The following FGFR3 variants were observed in gnomAD, a reference collection of about 807,000 sequenced individuals.
The protein encoded by FGFR3 is FGFR-3.
FGFR3 carries 25 observed loss-of-function variants against 82.9 expected under a neutral mutation model. The ratio of observed to expected loss-of-function variants is 0.30; its 90% CI spans 0.22 to 0.42. The LOEUF (loss-of-function observed/expected upper bound fraction) is 0.42, where lower values mean the gene tolerates loss of function less well. Among genes scored for constraint, FGFR3 ranks in the 10% least tolerant of loss-of-function variants. FGFR3 has a pLI of 1.00. For synonymous variants in FGFR3, 620 were observed against 516.0 expected (o/e 1.20, Z -2.73); for missense variants, 1,026 against 1,161.0 (o/e 0.88, Z 1.69).
intron 2 of FGFR3, among the ~76,000 whole-genome samples, chr4:1,794,577 C>G (rs1206864635): frequency 2.6e-5 from 4 of 152,184 alleles, no homozygotes; most frequent in Non-Finnish European, 5.9e-5. Flanking sequence ...GCCTGGGGGC[C>G]GAGGGCGCTT....
At chr4:1,798,329 C>G (rs17883473) in intron 2 of FGFR3, among the ~76,000 whole-genome samples, 2 of 152,008 alleles carry the variant, frequency 1.3e-5, no homozygotes, top group African/African-American at 4.8e-5. Context: ...GGGCCCCAGT[C>G]CCCCTGCAGG....
chr4:1,804,734 C>T (rs963683100), intron 9 of FGFR3, 90 bp from the exon 10 acceptor site: 65 of 1,494,650 alleles, frequency 4.3e-5, no homozygotes, highest in South Asian at 6.0e-5. Flanking sequence ...AGTCAGAACG[C>T]CCCCCCTTCT....
Position 1,804,941 on chromosome 4 carries a change from G to A in FGFR3, c.1384G>A (p.Asp462Asn), listed in dbSNP as rs771872811. The A allele has an allele frequency of 1.9e-6, 3 of 1,550,230 alleles. No individual in the cohort carries two copies. Among genetic ancestry groups the A allele is most frequent in the Non-Finnish European group, 2.6e-6 (3 of 1,146,906 alleles). ...TGTCTCCGAGCTCGAGCTGCCTGCC[G>A]ACCCCAAATGGGAGCTGTCTCGGGC... ...ANVSELELPA[D>N]PKWELSRARL... The change falls in exon 10 of 18, where the codon GAC (aspartate) becomes AAC (asparagine). Residue 462 changes from aspartate (D) to asparagine (N), a missense_variant. Physicochemically the swap from Asp to Asn is conservative, Grantham distance 23. Transcript: ENST00000440486.
At chr4:1,801,774 G>A (rs1168975569) in intron 6 of FGFR3, 31 bp downstream of exon 6, 1 of 1,586,410 alleles carries the variant, frequency 6.3e-7, no homozygotes, top group African/African-American at 1.3e-5. Flanking sequence ...CGGGGGTGGG[G>A]GCGGCAGTGG....
intron 4 of FGFR3, 23 bp from the exon 5 acceptor site, chr4:1,801,344 T>C (rs1427719518): frequency 1.3e-6 from 2 of 1,547,136 alleles, no homozygotes; most frequent in South Asian, 2.4e-5. Flanking sequence ...GGTCATGGCC[T>C]TCACACGCAC....
intron 2 of FGFR3, among the ~76,000 whole-genome samples, chr4:1,796,054 G>T (rs894758252): frequency 6.6e-6 from 1 of 152,182 alleles, no homozygotes; most frequent in Non-Finnish European, 1.5e-5. Context: ...GGGAGCCCAG[G>T]GGCTTGGGGT....
intron 2 of FGFR3, among the ~76,000 whole-genome samples, chr4:1,795,165 C>T (rs1720333586): frequency 6.6e-6 from 1 of 152,074 alleles, no homozygotes; most frequent in Non-Finnish European, 1.5e-5. Context: ...GCGTGTCATT[C>T]AGCGGCGTGA....
chr4:1,805,493 C>T lies in FGFR3; in HGVS notation c.1534+17C>T. On this transcript the variant is annotated intron_variant, in intron 11 of 17. Coordinates refer to ENST00000440486, the MANE Select transcript of FGFR3 (RefSeq NM_000142.5). ...TGCTGAAAGGTGAGGAGGGGGCGGCCAGGGGTGCAGAGCAGGGCTGGGGGC... is the reference window on the plus strand; with the variant it reads ...TGCTGAAAGGTGAGGAGGGGGCGGCTAGGGGTGCAGAGCAGGGCTGGGGGC... The T allele has an allele frequency of 6.2e-7, 1 of 1,612,114 alleles. No individual in the cohort carries two copies. The highest frequency in any genetic ancestry group is 8.5e-7 in the Non-Finnish European group (1 of 1,179,478).
At position 1,806,244 on chromosome 4, in the gene FGFR3, C is replaced by T. The variant is rs377604726; in HGVS notation, c.1960-13C>T. 7.9e-5 allele frequency: 127 copies of T among 1,612,972 alleles called. No individual in the cohort carries two copies. In the African/African-American group the frequency reaches 1.5e-3, roughly 20 times the overall value. Reference sequence around the variant, plus strand: ...ACGCCTGGCGCCAACACCGCCTTCCCACACCCTCCCAGGGCCGGCTGCCCG... The same window carrying T: ...ACGCCTGGCGCCAACACCGCCTTCCTACACCCTCCCAGGGCCGGCTGCCCG... On this transcript the variant is annotated splice_polypyrimidine_tract_variant and intron_variant, in intron 14 of 17. Transcript: ENST00000440486.
In FGFR3 at chr4:1,807,296, C is replaced by T. The variant is rs1185964783; in HGVS notation, c.*34C>T. 1.9e-6 allele frequency: 3 copies of T among 1,569,522 alleles called. No individual in the cohort carries two copies. Among genetic ancestry groups the T allele is most frequent in the Non-Finnish European group, 2.6e-6 (3 of 1,161,930 alleles). ...TGGTCCCCAACAATGTGAGGGGTCC[C>T]TAGCAGCCCACCCTGCTGCTGGTGC... is the stretch of plus-strand genomic sequence containing the variant. On this transcript the variant is annotated 3_prime_UTR_variant, in exon 18 of 18. Transcript: ENST00000440486.
chr4:1,802,634 G>A (rs953703438), intron 7 of FGFR3, among the ~76,000 whole-genome samples: 1 of 152,188 alleles, frequency 6.6e-6, no homozygotes, highest in African/African-American at 2.4e-5. Context: ...AGGCCGCCTC[G>A]GGCCCTGTCC....
chr4:1,799,781 G>A lies in FGFR3; in HGVS notation c.414G>A (p.Glu138=). 1 of 1,613,054 alleles carries A rather than the reference G, an allele frequency of 6.2e-7. No individual in the cohort carries two copies. Among genetic ancestry groups the A allele is most frequent in the Non-Finnish European group, 8.5e-7 (1 of 1,179,958 alleles). ...CCTCGGGAGATGACGAAGACGGGGA[G>A]GACGAGGCTGAGGACACAGGTGTGG... The part of the protein sequence containing the change: ...APSSGDDEDG[E]DEAEDTGVDT... The change falls in exon 4 of 18, where the codon GAG becomes GAA. Residue 138 remains glutamate, a synonymous_variant. Transcript: ENST00000440486.
chr4:1,801,122 G>A (rs1285915705), intron 4 of FGFR3, among the ~76,000 whole-genome samples: 1 of 152,218 alleles, frequency 6.6e-6, no homozygotes, highest in East Asian at 1.9e-4. Context: ...CCTGTGCCCT[G>A]TGACTTCACA....
intron 2 of FGFR3, among the ~76,000 whole-genome samples, chr4:1,795,734 AC>A (rs1339319415): frequency 6.6e-6 from 1 of 151,924 alleles, no homozygotes; most frequent in African/African-American, 2.4e-5. Context: ...ACCTGGAGTG[AC>A]CCCCCAGGGT....
At chr4:1,801,783 G>T in intron 6 of FGFR3, 40 bp downstream of exon 6, 1 of 1,590,012 alleles carries the variant, frequency 6.3e-7, no homozygotes. Flanking sequence ...GGGCGGCAGT[G>T]GCGGTGGTGG....
Position 1,805,642 on chromosome 4 carries a change from A to G in FGFR3, c.1618A>G (p.Asn540Asp), listed in dbSNP as rs1057519049. 6 of 1,613,120 alleles carry G rather than the reference A, an allele frequency of 3.7e-6. No individual in the cohort carries two copies. Among genetic ancestry groups the G allele is most frequent in the African/African-American group, 1.3e-5 (1 of 74,918 alleles). ...KMIGKHKNII[N>D]LLGACTQGGP... ...GATCGGGAAACACAAAAACATCATCAACCTGCTGGGCGCCTGCACGCAGGG... is the reference window on the plus strand; with the variant it reads ...GATCGGGAAACACAAAAACATCATCGACCTGCTGGGCGCCTGCACGCAGGG... The change falls in exon 12 of 18, where the codon AAC becomes GAC. Residue 540 changes from asparagine to aspartate, a missense_variant. Transcript: ENST00000440486.
intron 2 of FGFR3, among the ~76,000 whole-genome samples, chr4:1,796,990 CTG>C (rs1258125935): frequency 1.3e-5 from 2 of 152,138 alleles, no homozygotes; most frequent in Non-Finnish European, 2.9e-5. Flanking sequence ...GAGGTCGGCA[CTG>C]TGTGGGGTTG....
rs754400359 is a variant in FGFR3 at position 1,801,887 on chromosome 4, G to A, written c.792G>A (p.Thr264=). The A allele has an allele frequency of 3.7e-5, 60 of 1,610,660 alleles. No individual in the cohort carries two copies. The East Asian group carries it at 6.5e-4, about 17-fold the overall frequency. The part of the protein sequence containing the change: ...ILQAGLPANQ[T]AVLGSDVEFH... Reference sequence around the variant, plus strand: ...AGGCGGGGCTGCCGGCCAACCAGACGGCGGTGCTGGGCAGCGACGTGGAGT... The same window carrying A: ...AGGCGGGGCTGCCGGCCAACCAGACAGCGGTGCTGGGCAGCGACGTGGAGT... The change falls in exon 7 of 18, where the codon ACG becomes ACA. Residue 264 remains threonine (T), a synonymous_variant. Transcript: ENST00000440486.
In FGFR3 at chr4:1,805,857, C is replaced by T. The variant is rs761163163; in HGVS notation, c.1753C>T (p.Pro585Ser). The T allele has an allele frequency of 1.2e-4, 197 of 1,612,546 alleles. No individual in the cohort carries two copies. The highest frequency in any genetic ancestry group is 1.5e-4 in the Non-Finnish European group (174 of 1,179,880). ...CTACTCCTTCGACACCTGCAAGCCG[C>T]CCGAGGAGCAGCTCACCTTCAAGGA... Reference protein sequence around the residue: ...LDYSFDTCKPPEEQLTFKDLV... With the variant: ...LDYSFDTCKPSEEQLTFKDLV... Residue 585 changes from proline (P) to serine (S), a missense_variant, in exon 13 of 18, where the codon CCC becomes TCC. Pro to Ser is a moderately conservative substitution (Grantham distance 74, BLOSUM62 -1). Around this residue, in one of 9 missense-constraint regions of FGFR3, gnomAD observed 164 missense variants for 167.5 expected, o/e 0.98. Coordinates refer to ENST00000440486, the MANE Select transcript of FGFR3 (RefSeq NM_000142.5).
Sources: gnomAD v4.1 joint callset for allele counts (sites outside exome capture counted in the v4.1 genomes callset) on GRCh38, gnomAD v4.1.1 for gene constraint, gnomAD v4.1.1 regional missense constraint, MANE v1.5 for transcripts, NCBI Gene and HGNC (gene_info 2026-07-23, HGNC 2026-07-21) for gene names.